The following NXPH1 variants were observed in gnomAD, a reference collection of about 807,000 sequenced individuals.
NXPH1 encodes the protein neurexophilin 1.
In NXPH1, 5 loss-of-function variants were observed where a neutral mutation model predicts 23.7. The observed-to-expected ratio is 0.21, with a 90% confidence interval of 0.11 to 0.44. The LOEUF (loss-of-function observed/expected upper bound fraction) is 0.44, where lower values mean the gene tolerates loss of function less well. Among genes scored for constraint, NXPH1 ranks in the 20% least tolerant of loss-of-function variants. The pLI is 0.99. For missense variants in NXPH1, 324 were observed against 321.6 expected, an observed-to-expected ratio of 1.01 and a Z score of -0.06; for synonymous variants, 144 against 122.2, an observed-to-expected ratio of 1.18 and a Z score of -1.18.
At chr7:8,463,630 A>T (rs998185999) in intron 2 of NXPH1, among the ~76,000 whole-genome samples, 1 of 151,892 alleles carries the variant, frequency 6.6e-6, no homozygotes, top group Non-Finnish European at 1.5e-5. Context: ...ATTTTCTTAG[A>T]TTAAAAAATA....
At chr7:8,716,071 G>A (rs1458485053) in intron 2 of NXPH1, among the ~76,000 whole-genome samples, 1 of 152,126 alleles carries the variant, frequency 6.6e-6, no homozygotes. Flanking sequence ...AAAAACAAAA[G>A]AGGGACAGCA....
chr7:8,582,992 C>T (rs1425470826), intron 2 of NXPH1, among the ~76,000 whole-genome samples: 1 of 152,194 alleles, frequency 6.6e-6, no homozygotes, highest in Non-Finnish European at 1.5e-5. Context: ...CTGTTGGCAC[C>T]CAAAGTCTGA....
chr7:8,744,786 T>G (rs975110525), intron 2 of NXPH1, among the ~76,000 whole-genome samples: 8 of 152,250 alleles, frequency 5.3e-5, no homozygotes, highest in Non-Finnish European at 1.2e-4. Flanking sequence ...TTTATGTTTC[T>G]ATTTAGCCAA....
At chr7:8,708,318 T>G (rs1779734831) in intron 2 of NXPH1, among the ~76,000 whole-genome samples, 1 of 152,126 alleles carries the variant, frequency 6.6e-6, no homozygotes, top group African/African-American at 2.4e-5. Context: ...TTAAGAGATA[T>G]GTGTACCTAG....
chr7:8,439,919 C>A (rs766463979), intron 2 of NXPH1, among the ~76,000 whole-genome samples: 1 of 152,156 alleles, frequency 6.6e-6, no homozygotes, highest in Non-Finnish European at 1.5e-5. Flanking sequence ...AAGCCAGCTG[C>A]ACACTGAAAA....
chr7:8,611,732 G>A (rs1475455054), intron 2 of NXPH1, among the ~76,000 whole-genome samples: 3 of 152,064 alleles, frequency 2.0e-5, no homozygotes, highest in Non-Finnish European at 4.4e-5. Context: ...TGCCAAATTT[G>A]CATAAAGTTC....
intron 2 of NXPH1, among the ~76,000 whole-genome samples, chr7:8,640,788 G>A (rs1229957905): frequency 6.6e-6 from 1 of 151,988 alleles, no homozygotes; most frequent in Non-Finnish European, 1.5e-5. Context: ...GAGACCTCAT[G>A]ACTACAAAAA....
rs553872163 is a variant in NXPH1 at position 8,477,301 on chromosome 7, C to G, written c.54+41534C>G. On this transcript the variant is annotated intron_variant, in intron 2 of 2. Transcript: ENST00000405863. ...TGTTTTACTTACTCTTACTTGTTCC[C>G]CTCCCTACCAATCCCCTGCTGTTCC... Among the ~76,000 whole-genome samples the G allele has an allele frequency of 8.5e-5, 13 of 152,128 alleles. No individual in the cohort carries two copies. In the South Asian group the frequency reaches 2.5e-3, roughly 29 times the overall value.
chr7:8,435,636 G>T lies in NXPH1; in HGVS notation c.-78G>T, dbSNP rs1816179805. The T allele has an allele frequency of 2.3e-6, 3 of 1,320,758 alleles. No homozygotes were observed. The highest frequency in any genetic ancestry group is 1.4e-5 in the African/African-American group (1 of 69,272). 81.8% of individuals were successfully genotyped at this position (1,320,758 alleles called of 1,614,324 possible). A position where few individuals can be genotyped will look rare whatever the true frequency, so the allele number is the denominator to read the frequency against. On this transcript the variant is annotated 5_prime_UTR_variant, in exon 2 of 3. Transcript: ENST00000405863. The surrounding 1 kb of genome is among the most constrained non-coding windows in gnomAD (Gnocchi z 5.9). ...AGAGCGCTCCTTGCTCTGTAAAGTG[G>T]ATGTCAGGTGGATCTATGTTTCTGA...
intron 2 of NXPH1, among the ~76,000 whole-genome samples, chr7:8,629,999 C>T (rs1820092213): frequency 6.6e-6 from 1 of 152,004 alleles, no homozygotes; most frequent in Non-Finnish European, 1.5e-5. Context: ...GCTAAAGAGG[C>T]CAAGATGGGT....
At chr7:8,438,349 C>G (rs1732851505) in intron 2 of NXPH1, among the ~76,000 whole-genome samples, 1 of 152,198 alleles carries the variant, frequency 6.6e-6, no homozygotes, top group Middle Eastern at 3.2e-3. Context: ...TGGATGCATA[C>G]AGATTGTCAG....
intron 2 of NXPH1, among the ~76,000 whole-genome samples, chr7:8,726,460 T>C (rs1251695596): frequency 2.0e-5 from 3 of 150,046 alleles, no homozygotes; most frequent in Non-Finnish European, 4.4e-5. Flanking sequence ...GCATTAGGTA[T>C]ATCTCCCAAT....
intron 2 of NXPH1, among the ~76,000 whole-genome samples, chr7:8,546,076 A>T (rs1212794801): frequency 6.6e-6 from 1 of 151,478 alleles, no homozygotes; most frequent in African/African-American, 2.4e-5. Context: ...GCAACTTATA[A>T]ATTTGCTCTT....
intron 2 of NXPH1, among the ~76,000 whole-genome samples, chr7:8,485,020 C>T (rs1817134969): frequency 6.6e-6 from 1 of 152,080 alleles, no homozygotes; most frequent in Non-Finnish European, 1.5e-5. Flanking sequence ...ATAATCAGCC[C>T]ATGTGTTGAA....
chr7:8,567,557 T>C (rs1031563415), intron 2 of NXPH1, among the ~76,000 whole-genome samples: 12 of 151,940 alleles, frequency 7.9e-5, no homozygotes, highest in Non-Finnish European at 1.5e-4. Context: ...CTAAAGTAGA[T>C]GTTAGTTTGC....
chr7:8,666,329 TGTG>T (rs1452706263), intron 2 of NXPH1, among the ~76,000 whole-genome samples: 1 of 152,132 alleles, frequency 6.6e-6, no homozygotes, highest in African/African-American at 2.4e-5. Flanking sequence ...ATTCCGATAA[TGTG>T]GTGTATCACA....
chr7:8,678,200 A>G (rs1583226670), intron 2 of NXPH1, among the ~76,000 whole-genome samples: 1 of 152,334 alleles, frequency 6.6e-6, no homozygotes, highest in Admixed American at 6.5e-5. Context: ...ATTGTTTAGT[A>G]GCCCAAGGGT....
intron 2 of NXPH1, among the ~76,000 whole-genome samples, chr7:8,511,742 G>A (rs1329604055): frequency 6.6e-6 from 1 of 152,110 alleles, no homozygotes; most frequent in Non-Finnish European, 1.5e-5. Flanking sequence ...CTGTTCTGAT[G>A]CTGAATTAGA....
At chr7:8,690,932 A>G (rs962038159) in intron 2 of NXPH1, among the ~76,000 whole-genome samples, 2 of 152,046 alleles carry the variant, frequency 1.3e-5, no homozygotes, top group African/African-American at 4.8e-5. Context: ...CTCCTTTGCC[A>G]TTCATTCAGA....
Sources: allele counts gnomAD v4.1 joint callset (sites outside exome capture counted in the v4.1 genomes callset), GRCh38; gene constraint gnomAD v4.1.1; non-coding constraint Gnocchi (gnomAD v3.1); transcripts MANE v1.5; gene names NCBI Gene and HGNC (gene_info 2026-07-23, HGNC 2026-07-21).